IMMP2L: variants seen among roughly 807,000 people sequenced by gnomAD.
IMMP2L encodes the protein mitochondrial inner membrane protease subunit 2.
IMMP2L carries 18 observed loss-of-function variants against 19.3 expected under a neutral mutation model. The observed-to-expected ratio is 0.93, with a 90% CI of 0.64 to 1.38. The LOEUF (loss-of-function observed/expected upper bound fraction) is 1.38. Ranked by LOEUF, IMMP2L falls within the 40% of genes most tolerant of loss-of-function variation. The pLI is 0.00. For synonymous variants in IMMP2L, 76 were observed against 73.0 expected, an observed-to-expected ratio of 1.04 and a Z score of -0.21; for missense variants, 233 against 218.2, an observed-to-expected ratio of 1.07 and a Z score of -0.43.
chr7:110,799,533 G>A (rs1801099053), intron 5 of IMMP2L, among the ~76,000 whole-genome samples: 1 of 151,966 alleles, frequency 6.6e-6, no homozygotes. Context: ...AGCATGTCAT[G>A]TAATATATAG....
chr7:110,751,095 G>A (rs1401800414), intron 5 of IMMP2L, among the ~76,000 whole-genome samples: 1 of 151,204 alleles, frequency 6.6e-6, no homozygotes, highest in African/African-American at 2.4e-5. Flanking sequence ...TTTCCTTAAC[G>A]AATACTCTCT....
chr7:111,202,429 T>C (rs1810245921), intron 3 of IMMP2L, among the ~76,000 whole-genome samples: 1 of 152,174 alleles, frequency 6.6e-6, no homozygotes. Flanking sequence ...TGGAAGTGTC[T>C]TCTTTCTCCC....
intron 3 of IMMP2L, among the ~76,000 whole-genome samples, chr7:111,043,410 C>T (rs1792085868): frequency 6.7e-6 from 1 of 148,732 alleles, no homozygotes; most frequent in African/African-American, 2.6e-5. Flanking sequence ...AACATCTCAA[C>T]AGTTTATTTA....
intron 3 of IMMP2L, among the ~76,000 whole-genome samples, chr7:111,140,664 C>A (rs1460159153): frequency 6.6e-6 from 1 of 152,164 alleles, no homozygotes; most frequent in Admixed American, 6.6e-5. Flanking sequence ...TTGGAAATAT[C>A]TGAACTTCTC....
chr7:111,291,175 G>A lies in IMMP2L; in HGVS notation c.239+196063C>T, dbSNP rs945328069. 3.3e-5 allele frequency among the ~76,000 whole-genome samples: 5 copies of A among 152,080 alleles called. No homozygotes were observed. In the South Asian group the frequency reaches 6.2e-4, roughly 19 times the overall value. ...AAGAGGCAGTGGAAAGACACAGATAGTATCTTGCAATTTGGGGTGATTCAA... is the reference window on the plus strand; with the variant it reads ...AAGAGGCAGTGGAAAGACACAGATAATATCTTGCAATTTGGGGTGATTCAA... On this transcript the variant is annotated intron_variant, in intron 3 of 5. Coordinates refer to ENST00000405709, the MANE Select transcript of IMMP2L (RefSeq NM_032549.4).
At chr7:111,535,299 C>G (rs571561977) in intron 1 of IMMP2L, among the ~76,000 whole-genome samples, 2 of 147,706 alleles carry the variant, frequency 1.4e-5, no homozygotes, top group African/African-American at 5.0e-5. Context: ...AAAAAGGAAG[C>G]AAAAAGGAGA....
chr7:110,859,612 G>A (rs1037434553), intron 5 of IMMP2L, among the ~76,000 whole-genome samples: 2 of 151,696 alleles, frequency 1.3e-5, no homozygotes, highest in African/African-American at 4.8e-5. Flanking sequence ...GCATGGTGTT[G>A]TGTACCTGCA....
intron 5 of IMMP2L, among the ~76,000 whole-genome samples, chr7:110,850,814 T>C (rs1218930268): frequency 6.6e-6 from 1 of 151,792 alleles, no homozygotes; most frequent in Non-Finnish European, 1.5e-5. Context: ...ATATAAAAGA[T>C]TAAAACTGGA....
intron 4 of IMMP2L, among the ~76,000 whole-genome samples, chr7:110,956,300 T>A (rs1818345671): frequency 6.6e-6 from 1 of 152,040 alleles, no homozygotes; most frequent in Non-Finnish European, 1.5e-5. Flanking sequence ...ATATCAATAC[T>A]AGTTAAAGAA....
intron 3 of IMMP2L, among the ~76,000 whole-genome samples, chr7:111,292,920 G>A (rs1366303356): frequency 6.6e-6 from 1 of 151,852 alleles, no homozygotes; most frequent in Non-Finnish European, 1.5e-5. Flanking sequence ...CAGCACAATG[G>A]TAAAGGCCAA....
intron 4 of IMMP2L, among the ~76,000 whole-genome samples, chr7:110,897,817 A>G (rs1287413402): frequency 6.6e-6 from 1 of 152,176 alleles, no homozygotes; most frequent in Non-Finnish European, 1.5e-5. Flanking sequence ...CGAATAGAAA[A>G]GCAGAAAAGC....
Position 111,002,355 on chromosome 7 carries a change from G to A in IMMP2L, c.240-38790C>T, listed in dbSNP as rs189841171. On this transcript the variant is annotated intron_variant, in intron 3 of 5. Transcript: ENST00000405709. Reference sequence around the variant, plus strand: ...GATGAGGATGATCAGAAAAAAGAGCGAAGAAAACAATCAGACTGACCAAGT... The same window carrying A: ...GATGAGGATGATCAGAAAAAAGAGCAAAGAAAACAATCAGACTGACCAAGT... Among the ~76,000 whole-genome samples the A allele has an allele frequency of 1.9e-3, 283 of 152,222 alleles. 1 individual carries two copies. Among genetic ancestry groups the A allele is most frequent in the Admixed American group, 5.5e-3 (84 of 15,280 alleles).
chr7:111,290,510 A>C (rs979318253), intron 3 of IMMP2L, among the ~76,000 whole-genome samples: 21 of 152,224 alleles, frequency 1.4e-4, no homozygotes, highest in African/African-American at 5.1e-4. Flanking sequence ...TTTTTAAAAA[A>C]AAAAAAAATG....
intron 3 of IMMP2L, among the ~76,000 whole-genome samples, chr7:111,224,365 T>C (rs984528334): frequency 7.9e-5 from 12 of 152,176 alleles, no homozygotes; most frequent in African/African-American, 2.7e-4. Flanking sequence ...GGTTTGTACA[T>C]GTGTGAGTCT....
intron 3 of IMMP2L, among the ~76,000 whole-genome samples, chr7:111,365,190 C>T (rs1829655482): frequency 6.6e-6 from 1 of 152,016 alleles, no homozygotes; most frequent in East Asian, 1.9e-4. Flanking sequence ...GTGGCCTTTG[C>T]ACAATCCTAT....
intron 3 of IMMP2L, among the ~76,000 whole-genome samples, chr7:111,296,674 C>T (rs912092758): frequency 6.6e-6 from 1 of 151,822 alleles, no homozygotes; most frequent in Non-Finnish European, 1.5e-5. Context: ...ACTTAGCACT[C>T]ACAATACTAG....
At chr7:110,810,843 A>C (rs1031358768) in intron 5 of IMMP2L, among the ~76,000 whole-genome samples, 1 of 152,092 alleles carries the variant, frequency 6.6e-6, no homozygotes, top group Non-Finnish European at 1.5e-5. Context: ...TCTTCAAATT[A>C]ATACGACTAA....
intron 3 of IMMP2L, among the ~76,000 whole-genome samples, chr7:111,110,549 A>C (rs975214761): frequency 1.3e-5 from 2 of 152,204 alleles, no homozygotes; most frequent in Admixed American, 1.3e-4. Context: ...GTTGAGCTCC[A>C]AGCCCAAAAT....
chr7:111,383,481 A>G (rs1290318923), intron 3 of IMMP2L, among the ~76,000 whole-genome samples: 1 of 152,122 alleles, frequency 6.6e-6, no homozygotes. Context: ...AGTGAAGAGT[A>G]TTGGGCTTCA....
Sources: allele counts gnomAD v4.1 joint callset (sites outside exome capture counted in the v4.1 genomes callset), GRCh38; gene constraint gnomAD v4.1.1; transcripts MANE v1.5; gene names NCBI Gene and HGNC (gene_info 2026-07-23, HGNC 2026-07-21).